The following HSD17B2 variants were observed in gnomAD, a reference collection of about 807,000 sequenced individuals.
HSD17B2 encodes the protein 17-beta-hydroxysteroid dehydrogenase type 2.
In HSD17B2, 32 loss-of-function variants were observed where a neutral mutation model predicts 26.9. The observed-to-expected ratio is 1.19, with a 90% CI of 0.90 to 1.60. The LOEUF is 1.60. HSD17B2 is among the 40% of genes most tolerant of loss of function. The pLI, the probability that HSD17B2 is intolerant of heterozygous loss-of-function variation, is 0.00. For synonymous variants in HSD17B2, 246 were observed against 186.7 expected (o/e 1.32, Z -2.59); for missense variants, 613 against 468.6 (o/e 1.31, Z -2.85).
chr16:82,065,264 G>C (rs1304968173), intron 1 of HSD17B2, among the ~76,000 whole-genome samples: 1 of 152,302 alleles, frequency 6.6e-6, no homozygotes, highest in South Asian at 2.1e-4. Flanking sequence ...ATGCCTTCAT[G>C]GTCAGCAGCT....
intron 1 of HSD17B2, among the ~76,000 whole-genome samples, chr16:82,061,515 A>C (rs8191118): frequency 6.6e-6 from 1 of 152,174 alleles, no homozygotes; most frequent in Non-Finnish European, 1.5e-5. Context: ...AATCCAGGTT[A>C]TCATCATTTC....
intron 1 of HSD17B2, chr16:82,044,337 T>G (rs1241813844): frequency 1.3e-5 from 2 of 152,206 alleles, no homozygotes; most frequent in Non-Finnish European, 2.9e-5. Context: ...ACAGGGGGCT[T>G]AAGACATCAG....
At chr16:82,074,754 G>A (rs8191199) in intron 3 of HSD17B2, among the ~76,000 whole-genome samples, 6 of 152,158 alleles carry the variant, frequency 3.9e-5, no homozygotes, top group Admixed American at 1.3e-4. Flanking sequence ...TTAGTAGCTG[G>A]AGGCTTCAAT....
intron 1 of HSD17B2, among the ~76,000 whole-genome samples, chr16:82,036,246 T>C (rs767694032): frequency 1.1e-4 from 16 of 152,108 alleles, no homozygotes; most frequent in Non-Finnish European, 2.1e-4. Flanking sequence ...CTCTAATGTT[T>C]CTTAATTGGA....
intron 3 of HSD17B2, among the ~76,000 whole-genome samples, chr16:82,084,189 A>G (rs1475798031): frequency 6.6e-6 from 1 of 152,110 alleles, no homozygotes; most frequent in Non-Finnish European, 1.5e-5. Flanking sequence ...GTCATGTAGC[A>G]CCTGAGTCCA....
intron 4 of HSD17B2, chr16:82,094,609 G>A (rs1226731537): frequency 3.3e-5 from 5 of 152,226 alleles, no homozygotes; most frequent in Non-Finnish European, 7.3e-5. Context: ...AGAAGCCCAA[G>A]AGCAGAAGGC....
intron 3 of HSD17B2, among the ~76,000 whole-genome samples, chr16:82,088,291 C>A (rs2142364649): frequency 6.6e-6 from 1 of 152,234 alleles, no homozygotes; most frequent in Non-Finnish European, 1.5e-5. Flanking sequence ...TTTTGAAAAG[C>A]CTGAGTAGCA....
intron 1 of HSD17B2, among the ~76,000 whole-genome samples, chr16:82,042,078 C>T (rs539339639): frequency 6.6e-6 from 1 of 151,762 alleles, no homozygotes; most frequent in Non-Finnish European, 1.5e-5. Flanking sequence ...TCTTGGTTCA[C>T]TGCAATCTCT....
intron 1 of HSD17B2, among the ~76,000 whole-genome samples, chr16:82,040,590 G>A (rs1185414824): frequency 1.3e-5 from 2 of 152,154 alleles, no homozygotes; most frequent in East Asian, 1.9e-4. Context: ...GATATAAAAC[G>A]TGTCCATTCA....
chr16:82,045,651 C>G (rs1913904080), intron 1 of HSD17B2, among the ~76,000 whole-genome samples: 1 of 152,246 alleles, frequency 6.6e-6, no homozygotes, highest in Non-Finnish European at 1.5e-5. Context: ...GTGCCCTGCT[C>G]CTTTGTTCTT....
chr16:82,051,076 C>G (rs929843859), intron 1 of HSD17B2, among the ~76,000 whole-genome samples: 1 of 152,162 alleles, frequency 6.6e-6, no homozygotes, highest in East Asian at 1.9e-4. Flanking sequence ...GGCTTTAAGT[C>G]TCCAGGTGTA....
chr16:82,053,077 A>G (rs1914156886), intron 1 of HSD17B2, among the ~76,000 whole-genome samples: 1 of 152,220 alleles, frequency 6.6e-6, no homozygotes, highest in African/African-American at 2.4e-5. Context: ...TGCCATCAAC[A>G]TATGAATTTG....
chr16:82,098,368 C>T lies in HSD17B2; in HGVS notation c.1096C>T (p.His366Tyr), dbSNP rs116142148. 1.0e-4 allele frequency: 169 copies of T among 1,614,084 alleles called. No individual in the cohort carries two copies. The African/African-American group carries it at 2.0e-3, about 19-fold the overall frequency. The change falls in exon 5 of 5, where the codon CAT (histidine) becomes TAT (tyrosine). Residue 366 changes from histidine (H) to tyrosine (Y), a missense_variant. Physicochemically the swap from His to Tyr is moderately conservative, Grantham distance 83. Coordinates refer to ENST00000199936, the MANE Select transcript of HSD17B2 (RefSeq NM_002153.3). ...IGIYDYFAKR[H>Y]FGQDKPMPRA... ...CATATATGATTACTTTGCTAAAAGACATTTTGGCCAAGACAAGCCCATGCC... is the reference window on the plus strand; with the variant it reads ...CATATATGATTACTTTGCTAAAAGATATTTTGGCCAAGACAAGCCCATGCC...
intron 1 of HSD17B2, among the ~76,000 whole-genome samples, chr16:82,056,961 G>A (rs886422707): frequency 1.3e-5 from 2 of 152,132 alleles, no homozygotes; most frequent in Admixed American, 1.3e-4. Flanking sequence ...ACTTTTATGG[G>A]AGCCAATTGG....
chr16:82,090,905 G>A lies in HSD17B2; in HGVS notation c.668G>A (p.Gly223Glu). Residue 223 changes from glycine to glutamate, a missense_variant, in exon 4 of 5, where the codon GGG becomes GAG. Gly to Glu is a moderately conservative substitution (Grantham distance 98). Transcript: ENST00000199936. The part of the protein sequence containing the change: ...RLVNVSSMGG[G>E]APMERLASYG... ...TTTTCTCCCATTATTCCCATAGGAG[G>A]GGCCCCAATGGAAAGGCTGGCATCT... is the stretch of plus-strand genomic sequence containing the variant. 6.2e-7 allele frequency: 1 copy of A among 1,610,158 alleles called. No individual in the cohort carries two copies. Among genetic ancestry groups the A allele is most frequent in the Non-Finnish European group, 8.5e-7 (1 of 1,178,374 alleles).
intron 1 of HSD17B2, among the ~76,000 whole-genome samples, chr16:82,055,562 G>A (rs925310755): frequency 4.6e-5 from 7 of 152,194 alleles, no homozygotes; most frequent in African/African-American, 1.7e-4. Context: ...TATGTGAGAT[G>A]ATTAAGAAAT....
chr16:82,048,820 T>C (rs1224220409), intron 1 of HSD17B2, among the ~76,000 whole-genome samples: 2 of 152,220 alleles, frequency 1.3e-5, no homozygotes, highest in Non-Finnish European at 2.9e-5. Flanking sequence ...TTGTATAAGA[T>C]GTGACAATGT....
At chr16:82,046,811 CA>C (rs1184872772) in intron 1 of HSD17B2, among the ~76,000 whole-genome samples, 1 of 152,110 alleles carries the variant, frequency 6.6e-6, no homozygotes, top group Non-Finnish European at 1.5e-5. Flanking sequence ...TAACCCCACT[CA>C]ACGATGAAGA....
At chr16:82,037,996 T>C (rs1263566949) in intron 1 of HSD17B2, among the ~76,000 whole-genome samples, 2 of 152,248 alleles carry the variant, frequency 1.3e-5, no homozygotes, top group Non-Finnish European at 2.9e-5. Context: ...ACGTGTTATT[T>C]TCTCTCCTGG....
Sources: allele counts gnomAD v4.1 joint callset (sites outside exome capture counted in the v4.1 genomes callset), GRCh38; gene constraint gnomAD v4.1.1; transcripts MANE v1.5; gene names NCBI Gene and HGNC (gene_info 2026-07-23, HGNC 2026-07-21).